The following EML6 variants were observed in gnomAD, a reference collection of about 807,000 sequenced individuals.
The protein encoded by EML6 is EMAP like 6.
A neutral mutation model predicts 240.1 loss-of-function variants in EML6; 154 were observed. The observed-to-expected ratio is 0.64, with a 90% confidence interval of 0.56 to 0.73. The LOEUF is 0.73. Among genes scored for constraint, EML6 ranks in the 30% least tolerant of loss-of-function variants. The pLI is 0.00. For missense variants in EML6, 2,964 were observed against 2,474.6 expected (o/e 1.20, Z -4.20); for synonymous variants, 1,148 against 899.0 (o/e 1.28, Z -4.95).
intron 19 of EML6, among the ~76,000 whole-genome samples, chr2:54,893,479 G>C (rs984770742): frequency 6.6e-6 from 1 of 152,140 alleles, no homozygotes; most frequent in Non-Finnish European, 1.5e-5. Flanking sequence ...CATGAGGGCA[G>C]ACCCCTCATG....
chr2:54,759,098 G>A (rs1401583960), intron 2 of EML6, among the ~76,000 whole-genome samples: 2 of 151,630 alleles, frequency 1.3e-5, no homozygotes, highest in East Asian at 3.9e-4. Context: ...CCTCCATTAG[G>A]TGGATGTTTT....
intron 32 of EML6, among the ~76,000 whole-genome samples, chr2:54,956,791 G>A (rs571477877): frequency 1.3e-5 from 2 of 152,262 alleles, no homozygotes; most frequent in East Asian, 1.9e-4. Flanking sequence ...ATAGGTGTGT[G>A]AATAATCAAG....
At chr2:54,733,720 A>G (rs998292920) in intron 2 of EML6, among the ~76,000 whole-genome samples, 3 of 152,166 alleles carry the variant, frequency 2.0e-5, no homozygotes, top group Admixed American at 1.3e-4. Flanking sequence ...AACTGAATCA[A>G]TCTTTTGAGT....
At chr2:54,968,021 T>C (rs966778895) in intron 39 of EML6, 107 bp from the exon 40 acceptor site, 3 of 1,139,246 alleles carry the variant, frequency 2.6e-6, no homozygotes, top group East Asian at 2.6e-5. Flanking sequence ...TGGGGACCCC[T>C]GATGTTAAAC....
At chr2:54,744,615 AG>A (rs1191313649) in intron 2 of EML6, among the ~76,000 whole-genome samples, 3 of 151,866 alleles carry the variant, frequency 2.0e-5, no homozygotes, top group Non-Finnish European at 4.4e-5. Flanking sequence ...GGAGAGGCAA[AG>A]GGGGCATTCA....
At chr2:54,850,255 C>A in intron 10 of EML6, 37 bp downstream of exon 10, 2 of 1,534,344 alleles carry the variant, frequency 1.3e-6, no homozygotes, top group East Asian at 4.9e-5. Context: ...TTCTGGAAAG[C>A]AAAATTTTGA....
chr2:54,960,553 G>A (rs1367266468), intron 35 of EML6, among the ~76,000 whole-genome samples: 1 of 152,152 alleles, frequency 6.6e-6, no homozygotes, highest in Admixed American at 6.5e-5. Flanking sequence ...TTTGTGTCCA[G>A]CACACAGGTT....
chr2:54,859,448 C>A, intron 11 of EML6, 86 bp from the exon 12 acceptor site: 3 of 1,042,532 alleles, frequency 2.9e-6, no homozygotes, highest in Non-Finnish European at 2.8e-6. Flanking sequence ...AGATTTTACT[C>A]TTCAACATGA....
rs1241417858 is a variant in EML6 at position 54,960,270 on chromosome 2, G to A, written c.4904G>A (p.Cys1635Tyr). 1.9e-6 allele frequency: 3 copies of A among 1,551,592 alleles called. No individual in the cohort carries two copies. Among genetic ancestry groups the A allele is most frequent in the East Asian group, 4.9e-5 (2 of 40,924 alleles). ...VKLWDQEMKR[C>Y]RAFQLETGQL... ...TTGTGGGACCAGGAGATGAAGCGCT[G>A]CCGGGCCTTTCAGCTGGAGACCGGG... Residue 1635 changes from cysteine (C) to tyrosine (Y), a missense_variant, in exon 35 of 42, where the codon TGC becomes TAC. Physicochemically the swap from Cys to Tyr is radical, Grantham distance 194 (BLOSUM62 -2). Transcript: ENST00000356458.
At chr2:54,919,356 C>G (rs1674104079) in intron 26 of EML6, among the ~76,000 whole-genome samples, 1 of 151,636 alleles carries the variant, frequency 6.6e-6, no homozygotes. Context: ...TTTGCTACTC[C>G]TGTCATTTGT....
intron 22 of EML6, among the ~76,000 whole-genome samples, chr2:54,902,366 A>G (rs11889795): frequency 0.28 from 42,631 of 152,048 alleles, 6,472 homozygotes; most frequent in Middle Eastern, 0.36. Flanking sequence ...TTTTGATATT[A>G]TGATCTTTTT....
intron 24 of EML6, among the ~76,000 whole-genome samples, chr2:54,907,946 A>AGATAGATAAGATAGAT (rs1202900130): frequency 7.9e-5 from 3 of 37,966 alleles, no homozygotes; most frequent in Non-Finnish European, 1.2e-4. Context: ...ATAGATAGAT[A>AGATAGATAAGATAGAT]AGATAGATAG....
At chr2:54,860,198 T>C (rs1670602283) in intron 12 of EML6, among the ~76,000 whole-genome samples, 1 of 152,124 alleles carries the variant, frequency 6.6e-6, no homozygotes, top group South Asian at 2.1e-4. Flanking sequence ...GTGGAGAGAA[T>C]GGTTTGGACC....
chr2:54,879,109 C>T (rs764666385), intron 16 of EML6, among the ~76,000 whole-genome samples: 23 of 152,164 alleles, frequency 1.5e-4, no homozygotes, highest in Non-Finnish European at 7.4e-5. Context: ...TGAAAATGGT[C>T]TCAGGATCAC....
intron 1 of EML6, 62 bp downstream of exon 1, chr2:54,723,839 GCAGGGCGCCGC>G (rs1682789063): frequency 6.6e-6 from 1 of 152,656 alleles, no homozygotes; most frequent in South Asian, 2.1e-4. Context: ...TGGGAGGAGT[GCAGGGCGCCGC>G]CAGGGCGGCA....
At position 54,825,031 on chromosome 2, in the gene EML6, G is replaced by A. The variant is rs183071188; in HGVS notation, c.526-2535G>A. Among the ~76,000 whole-genome samples, 134 of 152,260 alleles carry A rather than the reference G, an allele frequency of 8.8e-4. 3 individuals are homozygous for A. Among genetic ancestry groups the A allele is most frequent in the Admixed American group, 8.6e-3 (132 of 15,292 alleles). Reference sequence around the variant, plus strand: ...ATTTGACTCTTTGGAATGTTTTCATGTGGGCCTTATACCATCTGACCTGGT... The same window carrying A: ...ATTTGACTCTTTGGAATGTTTTCATATGGGCCTTATACCATCTGACCTGGT... On this transcript the variant is annotated intron_variant, in intron 5 of 41. Transcript: ENST00000356458.
intron 5 of EML6, among the ~76,000 whole-genome samples, chr2:54,824,135 A>G (rs1044614585): frequency 9.2e-5 from 14 of 152,148 alleles, no homozygotes; most frequent in Non-Finnish European, 1.6e-4. Context: ...TTGCTGCTTA[A>G]TTGATAGAAT....
intron 2 of EML6, among the ~76,000 whole-genome samples, chr2:54,764,410 C>G (rs531591192): frequency 1.3e-5 from 2 of 152,170 alleles, no homozygotes; most frequent in Non-Finnish European, 2.9e-5. Flanking sequence ...TCTGATCCCC[C>G]CAAAGCAATC....
chr2:54,963,592 T>C (rs1273997066), intron 36 of EML6, among the ~76,000 whole-genome samples: 1 of 152,248 alleles, frequency 6.6e-6, no homozygotes, highest in Non-Finnish European at 1.5e-5. Context: ...GTTGGCAATC[T>C]ACAGTTAAAG....
Sources: gnomAD v4.1 joint callset for allele counts (sites outside exome capture counted in the v4.1 genomes callset) on GRCh38, gnomAD v4.1.1 for gene constraint, MANE v1.5 for transcripts, NCBI Gene and HGNC (gene_info 2026-07-23, HGNC 2026-07-21) for gene names.